Variants in ATP8B1 observed in about 807,000 individuals in gnomAD.
ATP8B1 encodes the protein phospholipid-transporting ATPase IC.
ATP8B1 carries 80 observed loss-of-function variants against 149.9 expected under a neutral mutation model. The ratio of observed to expected loss-of-function variants is 0.53; its 90% confidence interval spans 0.45 to 0.64. The LOEUF is 0.64. Among genes scored for constraint, ATP8B1 ranks in the 30% least tolerant of loss-of-function variants. The pLI is 0.00. For synonymous variants in ATP8B1, 536 were observed against 562.8 expected, an observed-to-expected ratio of 0.95 and a Z score of 0.67; for missense variants, 1,247 against 1,552.6, an observed-to-expected ratio of 0.80 and a Z score of 3.31.
chr18:57,730,064 C>T (rs563976717), intron 2 of ATP8B1, among the ~76,000 whole-genome samples: 5 of 152,064 alleles, frequency 3.3e-5, no homozygotes, highest in South Asian at 2.1e-4. Context: ...ATGGGGCTCG[C>T]GGGGTGCATG....
intron 16 of ATP8B1, among the ~76,000 whole-genome samples, chr18:57,672,278 A>G (rs11877127): frequency 0.053 from 8,096 of 152,226 alleles, 326 homozygotes; most frequent in Middle Eastern, 0.12. Flanking sequence ...TACTTCGACC[A>G]CAACACCACT....
rs950639125 is a variant in ATP8B1, at chr18:57,648,079, C to T, written c.*409G>A. On this transcript the variant is annotated 3_prime_UTR_variant, in exon 28 of 28. Transcript: ENST00000648908. ...TCGGCTCACTGTAACCTCCATCTCC[C>T]AGGTTCAAGCGATTCTTCTGCTTCA... 3.9e-5 allele frequency: 13 copies of T among 334,202 alleles called. No individual in the cohort carries two copies. The highest frequency in any genetic ancestry group is 7.6e-5 in the Non-Finnish European group (13 of 171,034). The allele number at this position is 334,202 out of a possible 1,614,324, so 20.7% of individuals were successfully genotyped here. A position where few individuals can be genotyped will look rare whatever the true frequency, so the allele number is the denominator to read the frequency against.
intron 1 of ATP8B1, among the ~76,000 whole-genome samples, chr18:57,757,572 T>A (rs1026383739): frequency 6.6e-6 from 1 of 152,176 alleles, no homozygotes; most frequent in African/African-American, 2.4e-5. Context: ...TATACATGCA[T>A]GTATTTCAGA....
intron 1 of ATP8B1, among the ~76,000 whole-genome samples, chr18:57,783,963 C>T (rs2080382024): frequency 6.6e-6 from 1 of 152,194 alleles, no homozygotes; most frequent in African/African-American, 2.4e-5. Flanking sequence ...CTGGGCTTCC[C>T]CTGTTCTCTA....
rs752733419 is a variant in ATP8B1, at chr18:57,680,610, C to CA, written c.1630+3425dup. ...AAAAACAAAACAAAACAAAACAAAA[C>CA]AAAACAAAAAAAAAACCACACACGC... On this transcript the variant is annotated intron_variant, in intron 15 of 27. Transcript: ENST00000648908. 5.9e-3 allele frequency among the ~76,000 whole-genome samples: 849 copies of CA among 143,382 alleles called. 10 individuals carry two copies. The highest frequency in any genetic ancestry group is 0.019 in the African/African-American group (726 of 38,388). The allele number at this position is 143,382 out of a possible 152,430, so 94.1% of individuals were successfully genotyped here. A position where few individuals can be genotyped will look rare whatever the true frequency, so the allele number is the denominator to read the frequency against.
intron 15 of ATP8B1, among the ~76,000 whole-genome samples, chr18:57,677,773 G>C (rs900269063): frequency 3.0e-4 from 45 of 152,120 alleles, no homozygotes; most frequent in African/African-American, 1.1e-3. Context: ...CAAATCAGCA[G>C]CGGTGAGAAC....
At chr18:57,686,110 A>AAC (rs1599115000) in intron 13 of ATP8B1, among the ~76,000 whole-genome samples, 4 of 151,474 alleles carry the variant, frequency 2.6e-5, no homozygotes, top group South Asian at 2.1e-4. Context: ...ACAACAACAA[A>AAC]AATTAGCCAG....
intron 15 of ATP8B1, 147 bp downstream of exon 15, chr18:57,683,889 C>G: frequency 2.8e-6 from 3 of 1,060,850 alleles, no homozygotes; most frequent in Admixed American, 2.1e-5. Flanking sequence ...CATAAACCAT[C>G]TAGTGGTAAG....
intron 3 of ATP8B1, among the ~76,000 whole-genome samples, chr18:57,706,128 T>G (rs1913377889): frequency 6.6e-6 from 1 of 152,224 alleles, no homozygotes; most frequent in African/African-American, 2.4e-5. Flanking sequence ...CTAAATCCAT[T>G]CCAGGCAGAG....
Position 57,799,760 on chromosome 18 carries a change from G to A in ATP8B1, c.-26+3238C>T, listed in dbSNP as rs7229591. 4.4e-3 allele frequency among the ~76,000 whole-genome samples: 665 copies of A among 150,088 alleles called. 5 individuals carry two copies. Among genetic ancestry groups the A allele is most frequent in the African/African-American group, 0.015 (617 of 40,852 alleles). On this transcript the variant is annotated intron_variant, in intron 1 of 27. Coordinates refer to ENST00000648908, the MANE Select transcript of ATP8B1 (RefSeq NM_001374385.1). ...AAGACTAATATATACATATACACACGTATATAGACATGCTCATATCTATAT... is the reference window on the plus strand; with the variant it reads ...AAGACTAATATATACATATACACACATATATAGACATGCTCATATCTATAT...
At chr18:57,773,717 A>G (rs1354786612) in intron 1 of ATP8B1, among the ~76,000 whole-genome samples, 1 of 152,098 alleles carries the variant, frequency 6.6e-6, no homozygotes, top group Non-Finnish European at 1.5e-5. Flanking sequence ...AGGCAACCCC[A>G]TCTCCCAGGT....
intron 1 of ATP8B1, among the ~76,000 whole-genome samples, chr18:57,780,540 C>T (rs1388519520): frequency 6.6e-6 from 1 of 152,240 alleles, no homozygotes; most frequent in East Asian, 1.9e-4. Flanking sequence ...TAAAAACAAG[C>T]TTCTTGAAAG....
intron 1 of ATP8B1, among the ~76,000 whole-genome samples, chr18:57,773,562 A>G (rs1045000360): frequency 1.3e-5 from 2 of 152,224 alleles, no homozygotes; most frequent in African/African-American, 2.4e-5. Flanking sequence ...ATTTTATTCA[A>G]GAAGAGGGTG....
At position 57,674,924 on chromosome 18, in the gene ATP8B1, T is replaced by C. The variant is rs3745078; in HGVS notation, c.1729A>G (p.Ile577Val). 2.0e-3 allele frequency: 3,253 copies of C among 1,614,232 alleles called. 80 individuals are homozygous for C. The East Asian group carries it at 0.05, about 25-fold the overall frequency. ...TCAGTGCCCAGTTCACTGATGGTGATGGTGTTCTGGGTCCTGGCGAGGAAG... is the reference window on the plus strand; with the variant it reads ...TCAGTGCCCAGTTCACTGATGGTGACGGTGTTCTGGGTCCTGGCGAGGAAG... ...FAFLARTQNT[I>V]TISELGTERT... Residue 577 changes from isoleucine to valine, a missense_variant, in exon 16 of 28, where the codon ATC becomes GTC. Transcript: ENST00000648908.
At chr18:57,662,417 T>C in intron 21 of ATP8B1, 66 bp downstream of exon 21, 3 of 1,599,048 alleles carry the variant, frequency 1.9e-6, no homozygotes, top group Non-Finnish European at 1.7e-6. Context: ...TGAAAGCATC[T>C]AAAAGTGGCT....
chr18:57,684,284 AT>A lies in ATP8B1; in HGVS notation c.1474-93del, dbSNP rs1448391054. ...ACTTTTCTTCAAAGGCAAGGTTTCAATTATGCAAAAACCACCTTAGGATTTT... is the reference window on the plus strand; with the variant it reads ...ACTTTTCTTCAAAGGCAAGGTTTCAATATGCAAAAACCACCTTAGGATTTT... On this transcript the variant is annotated intron_variant, in intron 14 of 27. Coordinates refer to ENST00000648908, the MANE Select transcript of ATP8B1 (RefSeq NM_001374385.1). 19 of 1,380,088 alleles carry A rather than the reference AT, an allele frequency of 1.4e-5. No homozygotes were observed. In the Middle Eastern group the frequency reaches 5.7e-4, roughly 42 times the overall value. 85.5% of individuals were successfully genotyped at this position (1,380,088 alleles called of 1,614,324 possible).
At chr18:57,737,926 A>G (rs1236218084) in intron 1 of ATP8B1, 1 of 152,380 alleles carries the variant, frequency 6.6e-6, no homozygotes, top group Non-Finnish European at 1.5e-5. Context: ...AGAAAGCAGG[A>G]GCAGGGAGCT....
chr18:57,674,980 A>C lies in ATP8B1; in HGVS notation c.1673T>G (p.Leu558Arg). 1 of 1,614,230 alleles carries C rather than the reference A, an allele frequency of 6.2e-7. No individual in the cohort carries two copies. Among genetic ancestry groups the C allele is most frequent in the East Asian group, 2.2e-5 (1 of 44,880 alleles). ...GCCAAAGTTCCTGGCAGCGTTTACC[A>C]GGGCACCTTCATCGGGAGAGGCTGC... is the stretch of plus-strand genomic sequence containing the variant. ...YQAASPDEGALVNAARNFGFA... is the reference protein window; with the variant it reads ...YQAASPDEGARVNAARNFGFA... The change falls in exon 16 of 28, where the codon CTG (leucine) becomes CGG (arginine). Residue 558 changes from leucine (L) to arginine (R), a missense_variant. Leu to Arg is a moderately radical substitution (Grantham distance 102). This residue lies in a region of ATP8B1 where 853 missense variants were observed against 1,035.7 expected (regional missense o/e 0.82). Transcript: ENST00000648908.
chr18:57,736,453 GTTTTTTTTTTTTTTTT>G (rs71171079), intron 1 of ATP8B1, among the ~76,000 whole-genome samples: 1 of 70,142 alleles, frequency 1.4e-5, no homozygotes, highest in Non-Finnish European at 2.7e-5. Flanking sequence ...AGTTTTACTA[GTTTTTTTTTTTTTTTT>G]TTTTTTTTGA....
Sources: gnomAD v4.1 joint callset for allele counts (sites outside exome capture counted in the v4.1 genomes callset) on GRCh38, gnomAD v4.1.1 for gene constraint, gnomAD v4.1.1 regional missense constraint, MANE v1.5 for transcripts, NCBI Gene and HGNC (gene_info 2026-07-23, HGNC 2026-07-21) for gene names.